The following COL11A2 variants were observed in gnomAD, a reference collection of about 807,000 sequenced individuals.
COL11A2 encodes collagen type XI alpha 2 chain.
In COL11A2, 116 loss-of-function variants were observed where a neutral mutation model predicts 273.4. The ratio of observed to expected loss-of-function variants is 0.42; its 90% confidence interval spans 0.36 to 0.49. The LOEUF (loss-of-function observed/expected upper bound fraction) is 0.49. Among genes scored for constraint, COL11A2 ranks in the 20% least tolerant of loss-of-function variants. The pLI, the probability that COL11A2 is intolerant of heterozygous loss-of-function variation, is 0.00. For synonymous variants in COL11A2, 782 were observed against 864.2 expected (o/e 0.90, Z 1.67); for missense variants, 1,866 against 2,309.0 (o/e 0.81, Z 3.93).
rs1448700521 is a variant in COL11A2 at position 33,170,589 on chromosome 6, C to A, written c.3496G>T (p.Glu1166Ter). ...CCCACATCTCCTGTTTCTCCCTTCT[C>A]CCCAGAGGGGCCTGGCAAACCCTGT... is the stretch of plus-strand genomic sequence containing the variant. ...GLQGLPGPSG[E>*]KGETGDVGPM... Residue 1166 changes from glutamate (E) to a stop codon, truncating the protein, a stop_gained, in exon 47 of 66, where the codon GAG (glutamate) becomes TAG (stop). Transcript: ENST00000341947. LOFTEE classifies it high-confidence loss of function. This position sits in a 1 kb window ranked among gnomAD's most constrained non-coding sequence, Gnocchi z 4.3. The A allele has an allele frequency of 6.2e-7, 1 of 1,612,448 alleles. No individual in the cohort carries two copies. The highest frequency in any genetic ancestry group is 8.5e-7 in the Non-Finnish European group (1 of 1,179,800).
chr6:33,167,859 G>A lies in COL11A2; in HGVS notation c.3961-7C>T, dbSNP rs1361986900. On this transcript the variant is annotated splice_polypyrimidine_tract_variant and splice_region_variant and intron_variant, in intron 54 of 65. Transcript: ENST00000341947. This position sits in a 1 kb window ranked among gnomAD's most constrained non-coding sequence, Gnocchi z 6.1. Reference sequence around the variant, plus strand: ...CAGGCGAGCCAGCAGGACCCTGCAGGTGGAGTGGGAAGGAAGAGCACATGA... The same window carrying A: ...CAGGCGAGCCAGCAGGACCCTGCAGATGGAGTGGGAAGGAAGAGCACATGA... 3.7e-6 allele frequency: 6 copies of A among 1,612,782 alleles called. No homozygotes were observed. The highest frequency in any genetic ancestry group is 1.1e-5 in the South Asian group (1 of 91,052).
chr6:33,173,036 A>T lies in COL11A2; in HGVS notation c.2790+24T>A. 1 of 1,611,164 alleles carries T rather than the reference A, an allele frequency of 6.2e-7. No individual in the cohort carries two copies. The highest frequency in any genetic ancestry group is 8.5e-7 in the Non-Finnish European group (1 of 1,178,762). ...AGACTAATGCTAGGGTCAGGGGTCCATTCTCTCCTAGGGACAAACCTACCT... is the reference window on the plus strand; with the variant it reads ...AGACTAATGCTAGGGTCAGGGGTCCTTTCTCTCCTAGGGACAAACCTACCT... On this transcript the variant is annotated intron_variant, in intron 38 of 65. Coordinates refer to ENST00000341947, the MANE Select transcript of COL11A2 (RefSeq NM_080680.3). This position sits in a 1 kb window ranked among gnomAD's most constrained non-coding sequence, Gnocchi z 6.3.
intron 5 of COL11A2, 124 bp downstream of exon 5, chr6:33,186,503 C>T (rs1222276960): frequency 6.4e-7 from 1 of 1,560,922 alleles, no homozygotes; most frequent in African/African-American, 1.4e-5. Context: ...TGAATGAGGA[C>T]TAGGAGGAGG....
chr6:33,179,911 C>A lies in COL11A2; in HGVS notation c.1360-106G>T. The stretch of plus-strand genomic sequence containing the variant: ...TCTGCCCCTTGCCCCAGGTTCTGCC[C>A]ATCCAGCATTTCCCATGGCTTCCAG... On this transcript the variant is annotated intron_variant, in intron 12 of 65. Transcript: ENST00000341947. This position sits in a 1 kb window ranked among gnomAD's most constrained non-coding sequence, Gnocchi z 6.4. The A allele has an allele frequency of 6.6e-6, 7 of 1,065,134 alleles. No homozygotes were observed. The South Asian group carries it at 7.6e-5, about 12-fold the overall frequency. 66.0% of individuals were successfully genotyped at this position (1,065,134 alleles called of 1,614,324 possible). A position where few individuals can be genotyped will look rare whatever the true frequency, so the allele number is the denominator to read the frequency against.
At position 33,163,924 on chromosome 6, in the gene COL11A2, G is replaced by C. The variant is rs1393279252; in HGVS notation, c.5071-106C>G. ...TCCTCTGAGCACCTTGGCCCCATCA[G>C]GGTGACTCAGGATGTACAGACTGGC... On this transcript the variant is annotated intron_variant, in intron 65 of 65. Coordinates refer to ENST00000341947, the MANE Select transcript of COL11A2 (RefSeq NM_080680.3). This position sits in a 1 kb window ranked among gnomAD's most constrained non-coding sequence, Gnocchi z 4.1. 7.2e-6 allele frequency: 11 copies of C among 1,528,242 alleles called. No individual in the cohort carries two copies. Among genetic ancestry groups the C allele is most frequent in the Non-Finnish European group, 9.9e-6 (11 of 1,107,526 alleles). 94.7% of individuals were successfully genotyped at this position (1,528,242 alleles called of 1,614,324 possible).
Position 33,180,390 on chromosome 6 carries a change from T to C in COL11A2, c.1285-58A>G, listed in dbSNP as rs115849873. On this transcript the variant is annotated intron_variant, in intron 11 of 65. Transcript: ENST00000341947. ...GAAAGATAAGGGGACATCAAGATCT[T>C]AGCATGATTTTGAAATATCCTCTTC... 2.5e-3 allele frequency: 3,523 copies of C among 1,431,470 alleles called. 31 individuals are homozygous for C. In the African/African-American group the frequency reaches 0.026, roughly 10 times the overall value. 88.7% of individuals were successfully genotyped at this position (1,431,470 alleles called of 1,614,324 possible).
In COL11A2 at chr6:33,170,008, C is replaced by T; in HGVS notation, c.3636+39G>A. On this transcript the variant is annotated intron_variant, in intron 49 of 65. Transcript: ENST00000341947. The surrounding 1 kb of genome is among the most constrained non-coding windows in gnomAD (Gnocchi z 4.3). ...TGGCAGAAATCCAACTCCCATCCCCCACTTCCATGACTGGTCCACTCACCC... is the reference window on the plus strand; with the variant it reads ...TGGCAGAAATCCAACTCCCATCCCCTACTTCCATGACTGGTCCACTCACCC... The T allele has an allele frequency of 2.5e-6, 4 of 1,613,188 alleles. No individual in the cohort carries two copies. The highest frequency in any genetic ancestry group is 3.4e-6 in the Non-Finnish European group (4 of 1,179,668).
rs1768611148 is a variant in COL11A2, at chr6:33,163,358, A to G, written c.*320T>C. On this transcript the variant is annotated 3_prime_UTR_variant, in exon 66 of 66. Coordinates refer to ENST00000341947, the MANE Select transcript of COL11A2 (RefSeq NM_080680.3). The surrounding 1 kb of genome is among the most constrained non-coding windows in gnomAD (Gnocchi z 4.1). ...ATAATTAATACAATTACTTTTAAAT[A>G]CAAAATACGCCATGTCCTTTCTCTT... 2.3e-6 allele frequency: 1 copy of G among 444,130 alleles called. No individual in the cohort carries two copies. Among genetic ancestry groups the G allele is most frequent in the Admixed American group, 3.7e-5 (1 of 26,790 alleles). 27.5% of individuals were successfully genotyped at this position (444,130 alleles called of 1,614,324 possible).
At position 33,185,059 on chromosome 6, in the gene COL11A2, C is replaced by A; in HGVS notation, c.877-5G>T. On this transcript the variant is annotated splice_region_variant and splice_polypyrimidine_tract_variant and intron_variant, in intron 6 of 65. Coordinates refer to ENST00000341947, the MANE Select transcript of COL11A2 (RefSeq NM_080680.3). ...CTCTTCACCTGGGGTGGGGTCCTGA[C>A]CCCAAGGAGAGAAGGAGAAGAGTAG... The A allele has an allele frequency of 2.6e-6, 4 of 1,549,902 alleles. No homozygotes were observed. The highest frequency in any genetic ancestry group is 3.5e-6 in the Non-Finnish European group (4 of 1,145,584).
rs1771656661 is a variant in COL11A2 at position 33,180,979 on chromosome 6, GCCAGGGGGC to G, written c.1197_1205del (p.Pro401_Pro403del). ...CTAGACTTACCGCAGGGCCTTCTGG[GCCAGGGGGC>G]CCCTCCACGAGCATACCCTGTGGAG... is the stretch of plus-strand genomic sequence containing the variant. On this transcript the variant is annotated inframe_deletion, in exon 10 of 66. Coordinates refer to ENST00000341947, the MANE Select transcript of COL11A2 (RefSeq NM_080680.3). The G allele has an allele frequency of 6.2e-7, 1 of 1,613,946 alleles. No homozygotes were observed. Among genetic ancestry groups the G allele is most frequent in the Non-Finnish European group, 8.5e-7 (1 of 1,179,986 alleles).
At position 33,186,565 on chromosome 6, in the gene COL11A2, A is replaced by T. The variant is rs770510711; in HGVS notation, c.798+62T>A. The T allele has an allele frequency of 1.4e-5, 23 of 1,613,236 alleles. 1 individual carries two copies. The South Asian group carries it at 2.1e-4, about 15-fold the overall frequency. On this transcript the variant is annotated intron_variant, in intron 5 of 65. Coordinates refer to ENST00000341947, the MANE Select transcript of COL11A2 (RefSeq NM_080680.3). ...TGGGGAGGACAACTAAGGAGGAGAGATGCCTGGGTGTCTTCCCTCTCTGGG... is the reference window on the plus strand; with the variant it reads ...TGGGGAGGACAACTAAGGAGGAGAGTTGCCTGGGTGTCTTCCCTCTCTGGG...
Position 33,179,540 on chromosome 6 carries a change from G to T in COL11A2, c.1447-53C>A. On this transcript the variant is annotated intron_variant, in intron 13 of 65. Transcript: ENST00000341947. The surrounding 1 kb of genome is among the most constrained non-coding windows in gnomAD (Gnocchi z 6.4). Reference sequence around the variant, plus strand: ...GAGGGACAGGCAGTGGGAACCCCCAGCCCCAGCACTCTCCAAATTCACCCT... The same window carrying T: ...GAGGGACAGGCAGTGGGAACCCCCATCCCCAGCACTCTCCAAATTCACCCT... 6.7e-7 allele frequency: 1 copy of T among 1,499,080 alleles called. No individual in the cohort carries two copies. The allele number at this position is 1,499,080 out of a possible 1,614,324, so 92.9% of individuals were successfully genotyped here.
At chr6:33,172,235 G>C in intron 40 of COL11A2, 54 bp downstream of exon 40, 3 of 1,542,114 alleles carry the variant, frequency 1.9e-6, no homozygotes, top group Non-Finnish European at 2.7e-6. Flanking sequence ...GTCGGGGTGG[G>C]GACTCAGGAT....
rs140358630 is a variant in COL11A2 at position 33,178,814 on chromosome 6, G to T, written c.1666-82C>A. The T allele has an allele frequency of 5.0e-5, 80 of 1,606,192 alleles. No individual in the cohort carries two copies. Among genetic ancestry groups the T allele is most frequent in the Non-Finnish European group, 6.6e-5 (77 of 1,173,996 alleles). On this transcript the variant is annotated intron_variant, in intron 17 of 65. Coordinates refer to ENST00000341947, the MANE Select transcript of COL11A2 (RefSeq NM_080680.3). This position sits in a 1 kb window ranked among gnomAD's most constrained non-coding sequence, Gnocchi z 4.6. ...CCCTACTGCACCCTGAGCTGGGGGG[G>T]TGCTGATCCTGGGGAAGCCTGGAGA...
rs1213275966 is a variant in COL11A2, at chr6:33,172,017, T to G, written c.3042+33A>C. 4 of 1,610,242 alleles carry G rather than the reference T, an allele frequency of 2.5e-6. No individual in the cohort carries two copies. In the African/African-American group the frequency reaches 5.4e-5, roughly 22 times the overall value. ...CTTCCTCACCCACCCCTTTCCCGGG[T>G]CCTTCCTACCACTTCCGGAACCCCA... On this transcript the variant is annotated intron_variant, in intron 41 of 65. Transcript: ENST00000341947.
At position 33,163,441 on chromosome 6, in the gene COL11A2, C is replaced by T; in HGVS notation, c.*237G>A. On this transcript the variant is annotated 3_prime_UTR_variant, in exon 66 of 66. Coordinates refer to ENST00000341947, the MANE Select transcript of COL11A2 (RefSeq NM_080680.3). The surrounding 1 kb of genome is among the most constrained non-coding windows in gnomAD (Gnocchi z 4.1). Reference sequence around the variant, plus strand: ...AGTTTTAAATAAGGGTCTCAGCTCTCTAACGGGTAACAGGCTCCAGGTGGG... The same window carrying T: ...AGTTTTAAATAAGGGTCTCAGCTCTTTAACGGGTAACAGGCTCCAGGTGGG... 2 of 607,552 alleles carry T rather than the reference C, an allele frequency of 3.3e-6. No homozygotes were observed. The allele number at this position is 607,552 out of a possible 1,614,324, so 37.6% of individuals were successfully genotyped here.
intron 11 of COL11A2, 66 bp from the exon 12 acceptor site, chr6:33,180,398 T>C: frequency 7.4e-7 from 1 of 1,356,886 alleles, no homozygotes. Flanking sequence ...CTTAGCATGA[T>C]TTTGAAATAT....
intron 4 of COL11A2, among the ~76,000 whole-genome samples, chr6:33,187,233 T>G (rs1430092707): frequency 6.6e-6 from 1 of 152,214 alleles, no homozygotes; most frequent in Non-Finnish European, 1.5e-5. Context: ...TGCCTTGGCC[T>G]TCCAATGGCA....
chr6:33,180,237 A>G lies in COL11A2; in HGVS notation c.1359+21T>C, dbSNP rs1771538941. On this transcript the variant is annotated intron_variant, in intron 12 of 65. Coordinates refer to ENST00000341947, the MANE Select transcript of COL11A2 (RefSeq NM_080680.3). ...CTTGTCTTCCCCATCAGCATGTTCC[A>G]AAACCCAAGAGACAACTCACTGGGA... The G allele has an allele frequency of 3.1e-6, 5 of 1,611,488 alleles. No homozygotes were observed. The East Asian group carries it at 1.1e-4, about 36-fold the overall frequency.
Sources: allele counts gnomAD v4.1 joint callset (sites outside exome capture counted in the v4.1 genomes callset), GRCh38; gene constraint gnomAD v4.1.1; non-coding constraint Gnocchi (gnomAD v3.1); transcripts MANE v1.5; gene names NCBI Gene and HGNC (gene_info 2026-07-23, HGNC 2026-07-21).